Variants in FBXO4 observed in about 807,000 individuals in gnomAD.
FBXO4 encodes the protein F-box only protein 4.
A neutral mutation model predicts 43.7 loss-of-function variants in FBXO4; 36 were observed. That is an observed-to-expected ratio of 0.82 (90% CI 0.63 to 1.09). The LOEUF (loss-of-function observed/expected upper bound fraction) is 1.09. Among genes scored for constraint, FBXO4 ranks in the 50% least tolerant of loss-of-function variants. The probability of loss-of-function intolerance (pLI) is 0.00; values close to 1 mark genes in which losing one functional copy is unlikely to be tolerated. For synonymous variants in FBXO4, 180 were observed against 165.6 expected (o/e 1.09, Z -0.67); for missense variants, 435 against 474.1 (o/e 0.92, Z 0.77).
the FBXO4 span, chr5:41,967,593 C>T: frequency 4.6e-6 from 5 of 1,096,266 alleles, no homozygotes; most frequent in Non-Finnish European, 6.8e-6. Context: ...TTTGACCTTC[C>T]AGCCACAACC....
the FBXO4 span, among the ~76,000 whole-genome samples, chr5:41,999,148 G>A: frequency 1.3e-4 from 20 of 151,830 alleles, 1 homozygote; most frequent in Admixed American, 1.2e-3. Context: ...AATCAAGAGT[G>A]TCAAATGCAT....
chr5:41,967,406 G>A, the FBXO4 span: 2 of 535,940 alleles, frequency 3.7e-6, no homozygotes, highest in Admixed American at 2.1e-5. Context: ...GGTCATATTT[G>A]CTGTGATCAG....
the FBXO4 span, among the ~76,000 whole-genome samples, chr5:41,956,570 G>A: frequency 6.6e-6 from 1 of 151,764 alleles, no homozygotes. Flanking sequence ...ATTTTTTTTG[G>A]TTGGATATAG....
chr5:41,947,852 A>G, the FBXO4 span, among the ~76,000 whole-genome samples: 4 of 152,146 alleles, frequency 2.6e-5, no homozygotes, highest in African/African-American at 9.7e-5. Flanking sequence ...GCTTTCCTTG[A>G]GGCTCAAGAA....
chr5:42,018,124 T>C, the FBXO4 span, among the ~76,000 whole-genome samples: 2 of 149,444 alleles, frequency 1.3e-5, no homozygotes, highest in Non-Finnish European at 3.0e-5. Context: ...AATTTCATTA[T>C]TATTATAATT....
At chr5:42,006,914 A>ATATATATATATATATATATATATG in the FBXO4 span, among the ~76,000 whole-genome samples, 24 of 141,482 alleles carry the variant, frequency 1.7e-4, no homozygotes, top group African/African-American at 6.4e-4. Context: ...ATATATATAT[A>ATATATATATATATATATATATATG]TATGTATATA....
At chr5:41,995,589 G>C in the FBXO4 span, among the ~76,000 whole-genome samples, 1 of 152,138 alleles carries the variant, frequency 6.6e-6, no homozygotes, top group Non-Finnish European at 1.5e-5. Context: ...AGGGGTGTCT[G>C]GGGAAAGAGG....
chr5:42,028,568 A>G, the FBXO4 span, among the ~76,000 whole-genome samples: 3 of 151,550 alleles, frequency 2.0e-5, no homozygotes, highest in African/African-American at 7.2e-5. Context: ...CCATTTTGCT[A>G]TGTGTTTTCT....
At chr5:41,957,333 T>C in the FBXO4 span, among the ~76,000 whole-genome samples, 231 of 151,030 alleles carry the variant, frequency 1.5e-3, 2 homozygotes, top group Non-Finnish European at 1.2e-3. Flanking sequence ...GAATAATTTA[T>C]GTTTTCTACA....
the FBXO4 span, among the ~76,000 whole-genome samples, chr5:42,012,082 T>A: frequency 6.6e-6 from 1 of 152,172 alleles, no homozygotes; most frequent in African/African-American, 2.4e-5. Flanking sequence ...TATGGAGACG[T>A]TAGATTGTAT....
intron 3 of FBXO4, among the ~76,000 whole-genome samples, chr5:41,931,571 G>T (rs911806897): frequency 2.6e-5 from 4 of 152,192 alleles, no homozygotes; most frequent in African/African-American, 9.6e-5. Flanking sequence ...TAAGAGTCTT[G>T]TCCACTTTAT....
the FBXO4 span, among the ~76,000 whole-genome samples, chr5:41,998,943 A>G: frequency 2.0e-5 from 3 of 152,078 alleles, no homozygotes; most frequent in Non-Finnish European, 2.9e-5. Context: ...GTGAGTTCAT[A>G]GTTTTCTTTC....
chr5:42,034,472 T>A, the FBXO4 span, among the ~76,000 whole-genome samples: 1 of 152,248 alleles, frequency 6.6e-6, no homozygotes, highest in Non-Finnish European at 1.5e-5. Context: ...ACTTAGGTTT[T>A]CTTCTAGGGT....
chr5:41,969,481 A>T, the FBXO4 span, among the ~76,000 whole-genome samples: 1 of 152,146 alleles, frequency 6.6e-6, no homozygotes. Flanking sequence ...TTTAAAATGA[A>T]CAGGAATGTA....
chr5:41,971,940 C>T, the FBXO4 span, among the ~76,000 whole-genome samples: 1 of 152,038 alleles, frequency 6.6e-6, no homozygotes, highest in Non-Finnish European at 1.5e-5. Context: ...TTCTATACCC[C>T]AAAGTGATAA....
the FBXO4 span, among the ~76,000 whole-genome samples, chr5:41,997,314 T>C: frequency 6.6e-5 from 10 of 152,204 alleles, no homozygotes; most frequent in Admixed American, 5.9e-4. Flanking sequence ...AATGAGAGAA[T>C]TGAATGAGAT....
Position 41,934,057 on chromosome 5 carries a change from C to G in FBXO4, c.722+36C>G, listed in dbSNP as rs137884688. 128 of 1,610,006 alleles carry G rather than the reference C, an allele frequency of 8.0e-5. No homozygotes were observed. In the African/African-American group the frequency reaches 1.5e-3, roughly 19 times the overall value. On this transcript the variant is annotated intron_variant, in intron 4 of 6. Coordinates refer to ENST00000281623, the MANE Select transcript of FBXO4 (RefSeq NM_012176.3). ...ATACTTGGTGGCTTAACTGAAACAT[C>G]AGAACTAAAACATTTCAGGTGAGTG...
At chr5:42,024,802 G>A in the FBXO4 span, among the ~76,000 whole-genome samples, 1 of 151,790 alleles carries the variant, frequency 6.6e-6, no homozygotes, top group African/African-American at 2.4e-5. Context: ...GAGAACAAAT[G>A]ATGTCTTTCT....
chr5:42,034,597 C>A, the FBXO4 span, among the ~76,000 whole-genome samples: 1 of 152,050 alleles, frequency 6.6e-6, no homozygotes, highest in Non-Finnish European at 1.5e-5. Flanking sequence ...GATTGTTTTC[C>A]CAGCACCATT....
Sources: allele counts gnomAD v4.1 joint callset (sites outside exome capture counted in the v4.1 genomes callset), GRCh38; gene constraint gnomAD v4.1.1; transcripts MANE v1.5; gene names NCBI Gene and HGNC (gene_info 2026-07-23, HGNC 2026-07-21).